Variants in CNTN5 observed in about 807,000 individuals in gnomAD.
CNTN5 encodes the protein contactin 5.
Under a neutral mutation model 129.1 loss-of-function variants are expected in CNTN5, and 77 were observed. That is an observed-to-expected ratio of 0.60 (90% CI 0.50 to 0.72). The LOEUF is 0.72. CNTN5 is among the 30% of genes least tolerant of loss of function. CNTN5 has a pLI of 0.00. For missense variants in CNTN5, 1,478 were observed against 1,328.8 expected, an observed-to-expected ratio of 1.11 and a Z score of -1.75; for synonymous variants, 509 against 465.6, an observed-to-expected ratio of 1.09 and a Z score of -1.20.
intron 9 of CNTN5, among the ~76,000 whole-genome samples, chr11:100,037,564 T>A (rs1336658696): frequency 6.6e-6 from 1 of 152,152 alleles, no homozygotes; most frequent in African/African-American, 2.4e-5. Context: ...TCCTTGTACC[T>A]CTGGTAGAAT....
chr11:99,583,869 T>C (rs2851599), intron 3 of CNTN5, among the ~76,000 whole-genome samples: 138,336 of 152,110 alleles, frequency 0.91, 63,067 homozygotes, highest in East Asian at 1. Flanking sequence ...TGAGATGAAC[T>C]CGGTACCTCA....
intron 18 of CNTN5, among the ~76,000 whole-genome samples, chr11:100,278,995 G>T (rs1003264830): frequency 1.3e-5 from 2 of 151,854 alleles, no homozygotes; most frequent in African/African-American, 4.8e-5. Context: ...CCAGTTTGTT[G>T]AGAATTTTTA....
Position 99,861,914 on chromosome 11 carries a change from T to C in CNTN5, c.577+16652T>C, listed in dbSNP as rs575625909. ...AAACTAAAATAAATTGAATACCTAGTAATAAGTATTTTTCTAATTTCACAG... is the reference window on the plus strand; with the variant it reads ...AAACTAAAATAAATTGAATACCTAGCAATAAGTATTTTTCTAATTTCACAG... On this transcript the variant is annotated intron_variant, in intron 6 of 24. Transcript: ENST00000524871. Among the ~76,000 whole-genome samples, 14 of 152,346 alleles carry C rather than the reference T, an allele frequency of 9.2e-5. No individual in the cohort carries two copies. The South Asian group carries it at 2.9e-3, about 32-fold the overall frequency.
chr11:99,833,563 G>T (rs572296863), intron 4 of CNTN5, among the ~76,000 whole-genome samples: 6 of 152,234 alleles, frequency 3.9e-5, no homozygotes, highest in African/African-American at 1.4e-4. Context: ...AGTAGGCTAG[G>T]ATAAACTCTG....
At chr11:99,253,294 C>T (rs1212012093) in intron 1 of CNTN5, among the ~76,000 whole-genome samples, 1 of 152,070 alleles carries the variant, frequency 6.6e-6, no homozygotes, top group Non-Finnish European at 1.5e-5. Flanking sequence ...GTGAGGCCTC[C>T]TCAGCCATAT....
chr11:99,914,406 C>T (rs1047726850), intron 6 of CNTN5, among the ~76,000 whole-genome samples: 1 of 151,924 alleles, frequency 6.6e-6, no homozygotes, highest in African/African-American at 2.4e-5. Flanking sequence ...AGTTTAAAGC[C>T]ATGATTTGCA....
chr11:99,837,647 A>T (rs1456204462), intron 4 of CNTN5, among the ~76,000 whole-genome samples: 2 of 147,428 alleles, frequency 1.4e-5, no homozygotes, highest in African/African-American at 4.9e-5. Context: ...AGGAAATGGG[A>T]TTAGGGAGCA....
chr11:99,681,017 A>G lies in CNTN5; in HGVS notation c.55+124748A>G, dbSNP rs188746026. The stretch of plus-strand genomic sequence containing the variant: ...ATGAGTGACTTCAGTGGAAGAAGTA[A>G]CTGAAGATGTAAAAATATCAAGAAC... On this transcript the variant is annotated intron_variant, in intron 3 of 24. Transcript: ENST00000524871. 5.0e-4 allele frequency among the ~76,000 whole-genome samples: 76 copies of G among 152,114 alleles called. 1 individual carries two copies. Among genetic ancestry groups the G allele is most frequent in the African/African-American group, 1.8e-3 (74 of 41,502 alleles).
intron 3 of CNTN5, among the ~76,000 whole-genome samples, chr11:99,559,815 A>G (rs1385986959): frequency 6.6e-6 from 1 of 152,242 alleles, no homozygotes; most frequent in Non-Finnish European, 1.5e-5. Context: ...GTCCTTCAAT[A>G]AGTGATTAAA....
intron 13 of CNTN5, among the ~76,000 whole-genome samples, chr11:100,119,390 T>G (rs1290323267): frequency 6.6e-6 from 1 of 151,904 alleles, no homozygotes; most frequent in Non-Finnish European, 1.5e-5. Context: ...ATTTGGTGAT[T>G]GCTATTTACA....
intron 9 of CNTN5, among the ~76,000 whole-genome samples, chr11:100,036,985 C>G (rs996788270): frequency 5.3e-4 from 80 of 150,722 alleles, no homozygotes; most frequent in Middle Eastern, 6.8e-3. Flanking sequence ...GATTGCCCTG[C>G]CCAGAACTTC....
At chr11:100,068,546 A>T (rs1943781795) in intron 10 of CNTN5, among the ~76,000 whole-genome samples, 1 of 152,184 alleles carries the variant, frequency 6.6e-6, no homozygotes, top group Non-Finnish European at 1.5e-5. Flanking sequence ...ATCCTGGCAG[A>T]TTAGTAAAGT....
At chr11:99,341,476 G>C (rs1866510912) in intron 2 of CNTN5, among the ~76,000 whole-genome samples, 1 of 152,088 alleles carries the variant, frequency 6.6e-6, no homozygotes, top group Admixed American at 6.6e-5. Flanking sequence ...CAGGAAGCAC[G>C]AGTTTGAATC....
rs1384093458 is a variant in CNTN5 at position 99,295,562 on chromosome 11, AT to A, written c.-209-29783del. On this transcript the variant is annotated intron_variant, in intron 1 of 24. Coordinates refer to ENST00000524871, the MANE Select transcript of CNTN5 (RefSeq NM_014361.4). ...AGGCCTCCTGGCAATGTTCTCTTTA[AT>A]CCAGGATGTGGGTTAAGAGTTTTGA... Among the ~76,000 whole-genome samples the A allele has an allele frequency of 8.5e-5, 13 of 152,300 alleles. No homozygotes were observed. In the East Asian group the frequency reaches 2.5e-3, roughly 29 times the overall value.
chr11:99,065,569 A>ATGT (rs1865067105), intron 1 of CNTN5, among the ~76,000 whole-genome samples: 1 of 152,144 alleles, frequency 6.6e-6, no homozygotes. Context: ...CCATCTCTTT[A>ATGT]TGTTGTGTTC....
At chr11:100,008,146 C>T (rs1940307531) in intron 9 of CNTN5, among the ~76,000 whole-genome samples, 1 of 151,948 alleles carries the variant, frequency 6.6e-6, no homozygotes, top group South Asian at 2.1e-4. Context: ...TGAAAGATGA[C>T]TAATCACAGA....
rs774720249 is a variant in CNTN5, at chr11:100,248,470, CAGG to C, written c.2006-7286_2006-7284del. 1.8e-4 allele frequency among the ~76,000 whole-genome samples: 28 copies of C among 152,124 alleles called. 1 individual carries two copies. Among genetic ancestry groups the C allele is most frequent in the Middle Eastern group, 6.8e-3 (2 of 294 alleles). On this transcript the variant is annotated intron_variant, in intron 16 of 24. Coordinates refer to ENST00000524871, the MANE Select transcript of CNTN5 (RefSeq NM_014361.4). ...CTGAGGCAGGAGGATCGCTTGAGTC[CAGG>C]AGGTCAAAGCAAGAGTGAGCTAGGA...
At chr11:100,122,187 A>T (rs1946046628) in intron 13 of CNTN5, among the ~76,000 whole-genome samples, 2 of 151,958 alleles carry the variant, frequency 1.3e-5, no homozygotes, top group South Asian at 2.1e-4. Context: ...TCTCAGTTTG[A>T]GGTTGAAGAC....
intron 3 of CNTN5, among the ~76,000 whole-genome samples, chr11:99,734,160 G>C (rs1460907106): frequency 6.6e-6 from 1 of 152,096 alleles, no homozygotes; most frequent in Non-Finnish European, 1.5e-5. Context: ...ATTTTGATAT[G>C]GGCATACACT....
Sources: allele counts gnomAD v4.1 joint callset (sites outside exome capture counted in the v4.1 genomes callset), GRCh38; gene constraint gnomAD v4.1.1; transcripts MANE v1.5; gene names NCBI Gene and HGNC (gene_info 2026-07-23, HGNC 2026-07-21).